Variants in MYT1L observed in about 807,000 individuals in gnomAD.
MYT1L encodes myelin transcription factor 1-like protein.
Under a neutral mutation model 126.7 loss-of-function variants are expected in MYT1L, and 12 were observed. The observed-to-expected ratio is 0.09, with a 90% CI of 0.06 to 0.15. The LOEUF (loss-of-function observed/expected upper bound fraction) is 0.15, where lower values mean the gene tolerates loss of function less well. Ranked by LOEUF, MYT1L falls within the 10% of genes least tolerant of loss-of-function variation. The pLI is 1.00. For missense variants in MYT1L, 979 were observed against 1,585.2 expected, an observed-to-expected ratio of 0.62 and a Z score of 6.49; for synonymous variants, 541 against 604.2, an observed-to-expected ratio of 0.90 and a Z score of 1.53.
chr2:2,021,688 G>A lies in MYT1L; in HGVS notation c.-157-24341C>T, dbSNP rs1170402142. ...CAAGGCAGGCTGATCACGAGGTCAGGAGATTGAGACCATCCTGGCTAACAC... is the reference window on the plus strand; with the variant it reads ...CAAGGCAGGCTGATCACGAGGTCAGAAGATTGAGACCATCCTGGCTAACAC... On this transcript the variant is annotated intron_variant, in intron 4 of 24. Coordinates refer to ENST00000647738, the MANE Select transcript of MYT1L (RefSeq NM_001303052.2). Among the ~76,000 whole-genome samples the A allele has an allele frequency of 2.0e-5, 3 of 152,188 alleles. No homozygotes were observed. The East Asian group carries it at 5.8e-4, about 29-fold the overall frequency.
At chr2:2,275,555 GCACCTAGTGTGAGCT>G (rs1452317418) in intron 2 of MYT1L, among the ~76,000 whole-genome samples, 1 of 152,018 alleles carries the variant, frequency 6.6e-6, no homozygotes, top group Non-Finnish European at 1.5e-5. Flanking sequence ...AGGTCGTATC[GCACCTAGTGTGAGCT>G]CAGGCCAGTG....
At chr2:2,029,233 A>G (rs777844578) in intron 4 of MYT1L, among the ~76,000 whole-genome samples, 2 of 152,232 alleles carry the variant, frequency 1.3e-5, no homozygotes, top group Non-Finnish European at 2.9e-5. Flanking sequence ...ATTCATGTCC[A>G]TACACATGTG....
intron 21 of MYT1L, among the ~76,000 whole-genome samples, chr2:1,812,606 G>A (rs1420841456): frequency 4.6e-5 from 7 of 152,118 alleles, no homozygotes; most frequent in African/African-American, 7.2e-5. Context: ...AGCCGGGCGC[G>A]GTGGTTCATG....
At chr2:2,323,069 G>A (rs1162588232) in intron 1 of MYT1L, among the ~76,000 whole-genome samples, 1 of 152,134 alleles carries the variant, frequency 6.6e-6, no homozygotes, top group African/African-American at 2.4e-5. Context: ...AGCTCAATGT[G>A]AGTACTAAGA....
chr2:1,814,238 C>T lies in MYT1L; in HGVS notation c.3081-5071G>A, dbSNP rs140251326. 8.5e-5 allele frequency among the ~76,000 whole-genome samples: 13 copies of T among 152,190 alleles called. No individual in the cohort carries two copies. In the East Asian group the frequency reaches 1.6e-3, roughly 18 times the overall value. ...ACTCCCACTTGAGTTTGCTGTCCCG[C>T]CCTGTCCCCATCCAACTGACCTCCC... is the stretch of plus-strand genomic sequence containing the variant. On this transcript the variant is annotated intron_variant, in intron 21 of 24. Coordinates refer to ENST00000647738, the MANE Select transcript of MYT1L (RefSeq NM_001303052.2).
At chr2:1,983,320 A>G (rs1410623973) in intron 5 of MYT1L, among the ~76,000 whole-genome samples, 1 of 152,352 alleles carries the variant, frequency 6.6e-6, no homozygotes, top group Middle Eastern at 3.4e-3. Context: ...CATGGAGCAG[A>G]CACTAAACAG....
chr2:2,030,096 G>A (rs1243812003), intron 4 of MYT1L, among the ~76,000 whole-genome samples: 2 of 152,046 alleles, frequency 1.3e-5, no homozygotes, highest in Non-Finnish European at 1.5e-5. Flanking sequence ...TTGTTTGTTT[G>A]TTTAGTTTGT....
At chr2:1,828,298 T>C (rs1231705566) in intron 21 of MYT1L, 1 of 151,954 alleles carries the variant, frequency 6.6e-6, no homozygotes, top group Non-Finnish European at 1.5e-5. Flanking sequence ...AATTCCCAGC[T>C]TCCCTAATGG....
intron 2 of MYT1L, among the ~76,000 whole-genome samples, chr2:2,215,327 A>G (rs1572532395): frequency 6.6e-6 from 1 of 152,172 alleles, no homozygotes. Context: ...AGACAAAAGT[A>G]GGTTAAACAT....
chr2:1,899,564 C>T (rs1409640878), intron 14 of MYT1L, among the ~76,000 whole-genome samples: 1 of 152,170 alleles, frequency 6.6e-6, no homozygotes, highest in East Asian at 1.9e-4. Flanking sequence ...AACGTGAAGC[C>T]CCTTCCTCAG....
At chr2:1,849,773 C>A in intron 19 of MYT1L, among the ~76,000 whole-genome samples, 1 of 152,246 alleles carries the variant, frequency 6.6e-6, no homozygotes, top group South Asian at 2.1e-4. Flanking sequence ...GTGGCATTCA[C>A]AATGTGTGCT....
At chr2:1,834,432 T>A (rs538316460) in intron 21 of MYT1L, among the ~76,000 whole-genome samples, 1 of 152,222 alleles carries the variant, frequency 6.6e-6, no homozygotes, top group African/African-American at 2.4e-5. Context: ...ATTCTGCCTA[T>A]CTATTAAAAT....
rs545268260 is a variant in MYT1L, at chr2:1,809,390, G to A, written c.3081-223C>T. 1.7e-3 allele frequency among the ~76,000 whole-genome samples: 250 copies of A among 148,528 alleles called. 1 individual carries two copies. The highest frequency in any genetic ancestry group is 5.8e-3 in the African/African-American group (236 of 40,520). On this transcript the variant is annotated intron_variant, in intron 21 of 24. Transcript: ENST00000647738. Reference sequence around the variant, plus strand: ...CATGCATGTGGTGAGCACTGATCATGGGTGCTCGGCTGGGGCTGCCTCTTG... The same window carrying A: ...CATGCATGTGGTGAGCACTGATCATAGGTGCTCGGCTGGGGCTGCCTCTTG...
chr2:1,982,547 T>C (rs1181159808), intron 5 of MYT1L, among the ~76,000 whole-genome samples: 2 of 152,228 alleles, frequency 1.3e-5, no homozygotes, highest in Non-Finnish European at 2.9e-5. Context: ...TTGGGCTGAA[T>C]GTTAAAAGTT....
At chr2:1,970,596 T>A (rs759485519) in intron 8 of MYT1L, among the ~76,000 whole-genome samples, 4 of 152,130 alleles carry the variant, frequency 2.6e-5, no homozygotes, top group Non-Finnish European at 4.4e-5. Context: ...TGGCTCAGGG[T>A]TCCCGGGGGC....
intron 4 of MYT1L, among the ~76,000 whole-genome samples, chr2:2,007,630 AT>A (rs934329904): frequency 1.3e-5 from 2 of 151,438 alleles, no homozygotes; most frequent in Admixed American, 6.6e-5. Flanking sequence ...ATTTCAGCTT[AT>A]TTTTTTTTCT....
intron 3 of MYT1L, among the ~76,000 whole-genome samples, chr2:2,070,106 A>G (rs2074410899): frequency 1.3e-5 from 2 of 152,078 alleles, no homozygotes. Context: ...AAGGAAAAAT[A>G]AAACAAAAAT....
intron 22 of MYT1L, among the ~76,000 whole-genome samples, chr2:1,804,533 T>C (rs1245185385): frequency 1.3e-5 from 2 of 152,196 alleles, no homozygotes; most frequent in Non-Finnish European, 2.9e-5. Flanking sequence ...AAGCAGCATC[T>C]CAGAGCCAGA....
intron 18 of MYT1L, among the ~76,000 whole-genome samples, chr2:1,860,689 A>C (rs2148613183): frequency 6.6e-6 from 1 of 152,288 alleles, no homozygotes; most frequent in East Asian, 1.9e-4. Context: ...CCTTACTCTC[A>C]ACACGGCCAT....
Sources: gnomAD v4.1 joint callset for allele counts (sites outside exome capture counted in the v4.1 genomes callset) on GRCh38, gnomAD v4.1.1 for gene constraint, MANE v1.5 for transcripts, NCBI Gene and HGNC (gene_info 2026-07-23, HGNC 2026-07-21) for gene names.